The following FRMD3 variants were observed in gnomAD, a reference collection of about 807,000 sequenced individuals.
The protein encoded by FRMD3 is FERM domain-containing protein 3.
Under a neutral mutation model 70.2 loss-of-function variants are expected in FRMD3, and 33 were observed. The observed-to-expected ratio is 0.47, with a 90% CI of 0.36 to 0.63. The LOEUF (loss-of-function observed/expected upper bound fraction) is 0.63. Ranked by LOEUF, FRMD3 falls within the 20% of genes least tolerant of loss-of-function variation. The pLI is 0.00. For missense variants in FRMD3, 632 were observed against 711.4 expected, an observed-to-expected ratio of 0.89 and a Z score of 1.27; for synonymous variants, 279 against 255.9, an observed-to-expected ratio of 1.09 and a Z score of -0.86.
Position 83,299,180 on chromosome 9 carries a change from T to C in FRMD3, c.933A>G (p.Ala311=), listed in dbSNP as rs150556834. The stretch of plus-strand genomic sequence containing the variant: ...ATACAGTCTTGATCTGACTGGATTT[T>C]GCATACCTTTAAGAAAAAGCAAAGC... ...GVENQAFYKY[A]KSSQIKTVSS... The change falls in exon 11 of 14, where the codon GCA becomes GCG. Residue 311 remains alanine (A), a synonymous_variant. Transcript: ENST00000304195. 498 of 1,611,036 alleles carry C rather than the reference T, an allele frequency of 3.1e-4. 2 individuals carry two copies. In the African/African-American group the frequency reaches 5.9e-3, roughly 19 times the overall value.
chr9:83,441,656 G>A (rs1433415421), intron 1 of FRMD3, among the ~76,000 whole-genome samples: 1 of 152,040 alleles, frequency 6.6e-6, no homozygotes, highest in Non-Finnish European at 1.5e-5. Flanking sequence ...CTAATCTAGT[G>A]GAAAAAAGCC....
chr9:83,316,161 C>CTTTTTTTTTTTTTTT (rs34851421), intron 6 of FRMD3, among the ~76,000 whole-genome samples: 41 of 112,580 alleles, frequency 3.6e-4, no homozygotes, highest in Non-Finnish European at 4.3e-4. Flanking sequence ...TTTTTTTTTT[C>CTTTTTTTTTTTTTTT]TTTTTTTTTT....
intron 3 of FRMD3, among the ~76,000 whole-genome samples, chr9:83,368,024 C>G (rs1009164830): frequency 4.6e-5 from 7 of 152,140 alleles, no homozygotes. Flanking sequence ...ATAAACACAG[C>G]AACTTGGGTG....
At chr9:83,541,469 C>T (rs1039201385), upstream of FRMD3, among the ~76,000 whole-genome samples, 10 of 152,200 alleles carry the variant, frequency 6.6e-5, no homozygotes, top group Admixed American at 2.0e-4. Flanking sequence ...TGTATTTCCA[C>T]ATGTGGCCAG....
intron 4 of FRMD3, among the ~76,000 whole-genome samples, chr9:83,344,292 CCTT>C (rs776148833): frequency 6.6e-6 from 1 of 152,134 alleles, no homozygotes; most frequent in African/African-American, 2.4e-5. Context: ...TGTTTTTTCT[CCTT>C]CTCAACTTCT....
chr9:83,345,778 AAATT>A (rs896108537), intron 4 of FRMD3, among the ~76,000 whole-genome samples: 4 of 151,896 alleles, frequency 2.6e-5, no homozygotes, highest in South Asian at 4.2e-4. Flanking sequence ...AAAAATAAAG[AAATT>A]AATTAATTAA....
At chr9:83,407,867 C>CTCCTCTT (rs1210852095) in intron 1 of FRMD3, among the ~76,000 whole-genome samples, 6 of 121,634 alleles carry the variant, frequency 4.9e-5, no homozygotes, top group Admixed American at 7.9e-5. Context: ...CTCTCTCTCT[C>CTCCTCTT]TCTCTCATCT....
intron 1 of FRMD3, among the ~76,000 whole-genome samples, chr9:83,476,383 CAA>C (rs35937281): frequency 0.14 from 15,898 of 113,866 alleles, 1,123 homozygotes; most frequent in African/African-American, 0.25. Flanking sequence ...GACTCTCTCT[CAA>C]AAAAAAAAAA....
At chr9:83,510,222 C>T (rs1021543148) in intron 1 of FRMD3, among the ~76,000 whole-genome samples, 1 of 152,068 alleles carries the variant, frequency 6.6e-6, no homozygotes, top group Non-Finnish European at 1.5e-5. Context: ...AATGTTAACC[C>T]CTAAAAGACC....
chr9:83,418,518 T>G (rs1247248215), intron 1 of FRMD3, among the ~76,000 whole-genome samples: 2 of 152,028 alleles, frequency 1.3e-5, no homozygotes, highest in Non-Finnish European at 2.9e-5. Context: ...AGTAAACGTA[T>G]GAAAAAAATG....
chr9:83,434,912 T>A (rs1827090949), intron 1 of FRMD3, among the ~76,000 whole-genome samples: 1 of 142,746 alleles, frequency 7.0e-6, no homozygotes, highest in Admixed American at 7.2e-5. Context: ...CTGCAGCCTC[T>A]GCCTCCTGGG....
At chr9:83,584,315 A>T in the FRMD3 span, among the ~76,000 whole-genome samples, 1 of 152,058 alleles carries the variant, frequency 6.6e-6, no homozygotes, top group Middle Eastern at 3.2e-3. Context: ...ATCTCAAAAA[A>T]ATAAAATAAA....
At chr9:83,321,402 A>C (rs1466970335) in intron 6 of FRMD3, among the ~76,000 whole-genome samples, 1 of 152,132 alleles carries the variant, frequency 6.6e-6, no homozygotes, top group Non-Finnish European at 1.5e-5. Context: ...AATTTCAAAA[A>C]GTTTTTAAAT....
chr9:83,285,690 T>G (rs1039632800), intron 13 of FRMD3, among the ~76,000 whole-genome samples: 1 of 152,136 alleles, frequency 6.6e-6, no homozygotes, highest in Non-Finnish European at 1.5e-5. Flanking sequence ...GAACATATAC[T>G]CTACTGATAA....
At chr9:83,456,888 G>A (rs890153834) in intron 1 of FRMD3, among the ~76,000 whole-genome samples, 4 of 152,276 alleles carry the variant, frequency 2.6e-5, no homozygotes, top group African/African-American at 9.6e-5. Context: ...GCTGAGGTGG[G>A]AGGATTGCTT....
At chr9:83,400,222 CA>C (rs1825915736) in intron 1 of FRMD3, among the ~76,000 whole-genome samples, 1 of 151,936 alleles carries the variant, frequency 6.6e-6, no homozygotes, top group African/African-American at 2.4e-5. Flanking sequence ...AGCTAACATA[CA>C]AAAATAAATT....
chr9:83,364,123 G>A (rs1416956293), intron 3 of FRMD3, among the ~76,000 whole-genome samples: 3 of 152,038 alleles, frequency 2.0e-5, no homozygotes, highest in Admixed American at 1.3e-4. Context: ...TTTATATTGA[G>A]CCGTTCATCT....
chr9:83,572,365 G>A, the FRMD3 span, among the ~76,000 whole-genome samples: 17 of 152,298 alleles, frequency 1.1e-4, no homozygotes, highest in South Asian at 4.1e-4. Flanking sequence ...GCCTGAAAGG[G>A]CAGCATGTTC....
At chr9:83,500,450 C>CT (rs1564106075) in intron 1 of FRMD3, among the ~76,000 whole-genome samples, 1 of 151,354 alleles carries the variant, frequency 6.6e-6, no homozygotes, top group Non-Finnish European at 1.5e-5. Flanking sequence ...ATTTCCTACT[C>CT]TAACATATTT....
Sources: allele counts gnomAD v4.1 joint callset (sites outside exome capture counted in the v4.1 genomes callset), GRCh38; gene constraint gnomAD v4.1.1; transcripts MANE v1.5; gene names NCBI Gene and HGNC (gene_info 2026-07-23, HGNC 2026-07-21).